Variants in PCED1B observed in about 807,000 individuals in gnomAD.
PCED1B encodes the protein PC-esterase domain-containing protein 1B.
For missense variants in PCED1B, 573 were observed against 573.9 expected (o/e 1.00, Z 0.02); for synonymous variants, 251 against 246.1 (o/e 1.02, Z -0.19).
At chr12:47,146,271 G>A (rs947149968) in intron 2 of PCED1B, among the ~76,000 whole-genome samples, 2 of 152,302 alleles carry the variant, frequency 1.3e-5, no homozygotes, top group Middle Eastern at 3.4e-3. Context: ...GATAACCAAA[G>A]AAAGTGGTTT....
At chr12:47,130,982 G>C (rs1940100009) in intron 2 of PCED1B, among the ~76,000 whole-genome samples, 1 of 152,144 alleles carries the variant, frequency 6.6e-6, no homozygotes, top group Non-Finnish European at 1.5e-5. Context: ...TAAATGTTAA[G>C]TCAGTGCATA....
intron 2 of PCED1B, among the ~76,000 whole-genome samples, chr12:47,181,805 T>C (rs1189016581): frequency 6.6e-6 from 1 of 151,942 alleles, no homozygotes; most frequent in Non-Finnish European, 1.5e-5. Context: ...TTTTTGTCAG[T>C]ACTAAACAGA....
intron 3 of PCED1B, among the ~76,000 whole-genome samples, chr12:47,230,414 C>T (rs956428957): frequency 4.6e-5 from 7 of 151,594 alleles, no homozygotes; most frequent in Non-Finnish European, 8.8e-5. Flanking sequence ...CTTATTCACA[C>T]GTAAGTACTT....
rs749460591 is a variant in PCED1B, at chr12:47,235,035, A to T, written c.-29A>T. ...TCCGCAGAGCCATCCTGTGCAAAGG[A>T]AGGAGCTAGGCTGTGCGCCCTGGGC... On this transcript the variant is annotated 5_prime_UTR_variant, in exon 4 of 4. Transcript: ENST00000546455. 9 of 1,502,410 alleles carry T rather than the reference A, an allele frequency of 6.0e-6. No homozygotes were observed. The African/African-American group carries it at 9.8e-5, about 16-fold the overall frequency. The allele number at this position is 1,502,410 out of a possible 1,614,324, so 93.1% of individuals were successfully genotyped here.
intron 3 of PCED1B, among the ~76,000 whole-genome samples, chr12:47,232,913 AT>A (rs982279343): frequency 6.8e-6 from 1 of 146,776 alleles, no homozygotes; most frequent in African/African-American, 2.5e-5. Flanking sequence ...AATTTTATTT[AT>A]TTATTTATTT....
At chr12:47,136,355 A>G (rs987221559) in intron 2 of PCED1B, among the ~76,000 whole-genome samples, 3 of 152,252 alleles carry the variant, frequency 2.0e-5, no homozygotes, top group African/African-American at 7.2e-5. Context: ...CTTAACAGAT[A>G]GACTTCTTAA....
intron 2 of PCED1B, among the ~76,000 whole-genome samples, chr12:47,117,171 C>T (rs1156992028): frequency 1.3e-5 from 2 of 152,122 alleles, no homozygotes; most frequent in East Asian, 1.9e-4. Context: ...CAAGGTTCAT[C>T]CCTGTTGTAA....
At chr12:47,152,977 A>G (rs1941051718) in intron 2 of PCED1B, among the ~76,000 whole-genome samples, 1 of 152,128 alleles carries the variant, frequency 6.6e-6, no homozygotes, top group South Asian at 2.1e-4. Flanking sequence ...AGTTAGTAAA[A>G]GTTATTTAGA....
At chr12:47,108,215 G>A (rs1272941367) in intron 2 of PCED1B, among the ~76,000 whole-genome samples, 1 of 152,180 alleles carries the variant, frequency 6.6e-6, no homozygotes, top group Non-Finnish European at 1.5e-5. Context: ...TCTGCTGCTA[G>A]AGTGGACTTA....
At chr12:47,170,186 C>T (rs1941679229) in intron 2 of PCED1B, among the ~76,000 whole-genome samples, 1 of 152,070 alleles carries the variant, frequency 6.6e-6, no homozygotes, top group African/African-American at 2.4e-5. Context: ...GGACACAGCA[C>T]ATGTTTCAGA....
intron 2 of PCED1B, among the ~76,000 whole-genome samples, chr12:47,187,288 TC>T (rs1224674811): frequency 6.6e-5 from 10 of 152,126 alleles, no homozygotes; most frequent in Admixed American, 6.5e-4. Context: ...GACCATGGGA[TC>T]TTACCTAAAA....
intron 2 of PCED1B, among the ~76,000 whole-genome samples, chr12:47,107,237 G>A (rs1313493954): frequency 1.3e-5 from 2 of 152,124 alleles, no homozygotes; most frequent in South Asian, 2.1e-4. Context: ...AACACCGTAA[G>A]CCTAGGTGCA....
chr12:47,136,559 T>G (rs894635524), intron 2 of PCED1B, among the ~76,000 whole-genome samples: 1 of 152,180 alleles, frequency 6.6e-6, no homozygotes, highest in African/African-American at 2.4e-5. Context: ...TGCACAAAAC[T>G]TGCACACCAG....
chr12:47,122,266 C>CT (rs58474267), intron 2 of PCED1B, among the ~76,000 whole-genome samples: 21,342 of 151,892 alleles, frequency 0.14, 3,030 homozygotes, highest in African/African-American at 0.37. Flanking sequence ...TCACTCTGGC[C>CT]TTTTTTAAGC....
intron 1 of PCED1B, among the ~76,000 whole-genome samples, chr12:47,085,540 A>C (rs1937937598): frequency 3.3e-5 from 5 of 152,228 alleles, no homozygotes; most frequent in Admixed American, 2.0e-4. Flanking sequence ...ATTCGGGTAC[A>C]TCCATCTGGT....
intron 2 of PCED1B, among the ~76,000 whole-genome samples, chr12:47,140,365 G>A (rs1196537693): frequency 2.0e-5 from 3 of 152,174 alleles, no homozygotes; most frequent in East Asian, 3.8e-4. Flanking sequence ...TAGTTTTGAT[G>A]TAAAATGTGG....
intron 3 of PCED1B, among the ~76,000 whole-genome samples, chr12:47,227,488 A>G (rs978274244): frequency 1.1e-4 from 16 of 151,908 alleles, no homozygotes; most frequent in African/African-American, 3.9e-4. Context: ...TCGGGTTCTA[A>G]CTGGAATGCT....
chr12:47,119,742 G>A (rs1325705455), intron 2 of PCED1B, among the ~76,000 whole-genome samples: 1 of 152,030 alleles, frequency 6.6e-6, no homozygotes, highest in Non-Finnish European at 1.5e-5. Context: ...ACTTTGGGAG[G>A]TTGAGGCGTG....
intron 3 of PCED1B, among the ~76,000 whole-genome samples, chr12:47,227,385 T>G (rs1386330424): frequency 6.6e-6 from 1 of 151,862 alleles, no homozygotes; most frequent in Non-Finnish European, 1.5e-5. Context: ...GTTGGCCAGA[T>G]TGGTCTTGAA....
Sources: gnomAD v4.1 joint callset for allele counts (sites outside exome capture counted in the v4.1 genomes callset) on GRCh38, gnomAD v4.1.1 for gene constraint, MANE v1.5 for transcripts, NCBI Gene and HGNC (gene_info 2026-07-23, HGNC 2026-07-21) for gene names.